The following ENTREP1 variants were observed in gnomAD, a reference collection of about 807,000 sequenced individuals.
The protein encoded by ENTREP1 is Friedreich ataxia region gene X123.
chr9:69,329,756 C>A, the ENTREP1 span: 16 of 728,394 alleles, frequency 2.2e-5, no homozygotes, highest in Non-Finnish European at 2.3e-5. Context: ...TCCTAGCTCT[C>A]GGTTTGGGGG....
the ENTREP1 span, among the ~76,000 whole-genome samples, chr9:69,361,075 G>A: frequency 7.0e-6 from 1 of 143,122 alleles, no homozygotes; most frequent in African/African-American, 2.7e-5. Flanking sequence ...TTTTCTTCTG[G>A]GTCCAAAGCT....
At chr9:69,387,851 C>T in the ENTREP1 span, 1 of 1,265,778 alleles carries the variant, frequency 7.9e-7, no homozygotes, top group South Asian at 1.5e-5. Context: ...TTGTCATACC[C>T]CATGAAACTT....
At chr9:69,335,579 T>C in the ENTREP1 span, among the ~76,000 whole-genome samples, 2 of 152,134 alleles carry the variant, frequency 1.3e-5, no homozygotes, top group African/African-American at 2.4e-5. Flanking sequence ...TGAGAGCAGG[T>C]AAGAGAAGAT....
the ENTREP1 span, among the ~76,000 whole-genome samples, chr9:69,372,798 G>A: frequency 6.6e-6 from 1 of 151,780 alleles, no homozygotes; most frequent in East Asian, 1.9e-4. Flanking sequence ...CATCAACAGT[G>A]CACACGGGTT....
At chr9:69,352,414 C>G in the ENTREP1 span, among the ~76,000 whole-genome samples, 1 of 152,190 alleles carries the variant, frequency 6.6e-6, no homozygotes, top group Non-Finnish European at 1.5e-5. Context: ...CCACTGCACC[C>G]AGCCATGTTG....
chr9:69,342,542 A>G, the ENTREP1 span, among the ~76,000 whole-genome samples: 1 of 152,240 alleles, frequency 6.6e-6, no homozygotes, highest in African/African-American at 2.4e-5. Context: ...TTCACTCAAA[A>G]GAGCCAGAGG....
At chr9:69,328,597 A>G in the ENTREP1 span, among the ~76,000 whole-genome samples, 34 of 152,246 alleles carry the variant, frequency 2.2e-4, 1 homozygote, top group Middle Eastern at 6.8e-3. Context: ...GTATGTACTT[A>G]TAAAAGAAAT....
the ENTREP1 span, among the ~76,000 whole-genome samples, chr9:69,346,485 G>A: frequency 6.6e-6 from 1 of 151,948 alleles, no homozygotes; most frequent in Admixed American, 6.6e-5. Context: ...CTGAACTTTG[G>A]ATAGTATCTT....
At chr9:69,391,863 T>G in the ENTREP1 span, 1 of 1,477,992 alleles carries the variant, frequency 6.8e-7, no homozygotes, top group South Asian at 1.2e-5. Flanking sequence ...CTGCCATTTC[T>G]TGGCTGGGAG....
the ENTREP1 span, among the ~76,000 whole-genome samples, chr9:69,333,318 A>G: frequency 6.7e-6 from 1 of 148,382 alleles, no homozygotes; most frequent in East Asian, 2.0e-4. Context: ...TAATATTATT[A>G]TTTTTTTTTT....
the ENTREP1 span, among the ~76,000 whole-genome samples, chr9:69,365,763 T>C: frequency 6.6e-6 from 1 of 152,174 alleles, no homozygotes; most frequent in Non-Finnish European, 1.5e-5. Context: ...CACATGTGAA[T>C]GAGAACATGT....
chr9:69,366,826 C>T, the ENTREP1 span, among the ~76,000 whole-genome samples: 2 of 152,020 alleles, frequency 1.3e-5, no homozygotes, highest in Non-Finnish European at 2.9e-5. Flanking sequence ...CTTGGTGCCT[C>T]TGTTAAAACT....
the ENTREP1 span, among the ~76,000 whole-genome samples, chr9:69,354,566 T>C: frequency 0.88 from 134,341 of 152,272 alleles, 59,532 homozygotes; most frequent in African/African-American, 0.96. Flanking sequence ...CCCATTGCAA[T>C]TTATTTGTTA....
chr9:69,326,692 C>G, the ENTREP1 span, among the ~76,000 whole-genome samples: 2 of 152,138 alleles, frequency 1.3e-5, no homozygotes, highest in Non-Finnish European at 2.9e-5. Context: ...AAGATGAGCA[C>G]AGTAAATAAC....
the ENTREP1 span, chr9:69,377,551 C>A: frequency 1.9e-6 from 3 of 1,611,158 alleles, no homozygotes; most frequent in South Asian, 1.1e-5. Context: ...TCATCCACTG[C>A]CTCTCTCCCC....
the ENTREP1 span, among the ~76,000 whole-genome samples, chr9:69,360,091 G>A: frequency 6.6e-6 from 1 of 151,856 alleles, no homozygotes; most frequent in Non-Finnish European, 1.5e-5. Flanking sequence ...CGGCTAGTAA[G>A]CCAATGGGCT....
the ENTREP1 span, among the ~76,000 whole-genome samples, chr9:69,367,870 T>A: frequency 7.3e-6 from 1 of 136,880 alleles, no homozygotes. Flanking sequence ...CACATATATA[T>A]AAATATATAT....
the ENTREP1 span, chr9:69,388,549 T>C: frequency 6.5e-6 from 6 of 919,432 alleles, no homozygotes; most frequent in African/African-American, 5.0e-5. Context: ...AGTAAGTTCA[T>C]GGTCACAGTC....
At chr9:69,340,703 G>GTATGTGTGTGTGCA in the ENTREP1 span, among the ~76,000 whole-genome samples, 1 of 136,712 alleles carries the variant, frequency 7.3e-6, no homozygotes, top group African/African-American at 3.2e-5. Flanking sequence ...GTATGTGTGT[G>GTATGTGTGTGTGCA]TGTATGTGTG....
Sources: allele counts gnomAD v4.1 joint callset (sites outside exome capture counted in the v4.1 genomes callset), GRCh38; gene constraint gnomAD v4.1.1; transcripts MANE v1.5; gene names NCBI Gene and HGNC (gene_info 2026-07-23, HGNC 2026-07-21).